SGCD: variants seen among roughly 807,000 people sequenced by gnomAD.
SGCD encodes delta-sarcoglycan.
SGCD carries 18 observed loss-of-function variants against 36.6 expected under a neutral mutation model. That is an observed-to-expected ratio of 0.49 (90% CI 0.34 to 0.73). SGCD has a LOEUF of 0.73. SGCD is among the 30% of genes least tolerant of loss of function. The pLI is 0.01. For synonymous variants in SGCD, 133 were observed against 130.6 expected (o/e 1.02, Z -0.12); for missense variants, 387 against 346.7 (o/e 1.12, Z -0.92).
rs548248243 is a variant in SGCD at position 155,881,886 on chromosome 5, G to C, written c.-282+11462G>C. Among the ~76,000 whole-genome samples, 7 of 152,274 alleles carry C rather than the reference G, an allele frequency of 4.6e-5. 1 individual carries two copies. In the South Asian group the frequency reaches 8.3e-4, roughly 18 times the overall value. On this transcript the variant is annotated intron_variant, in intron 1 of 9. Transcript: ENST00000517913. ...CTTTATTTAACCATAAGAAGCAACT[G>C]CTCATTCATTGAAGTTTTATCATGA...
the SGCD span, among the ~76,000 whole-genome samples, chr5:155,784,546 G>A: frequency 3.9e-5 from 6 of 152,070 alleles, no homozygotes; most frequent in South Asian, 1.2e-3. Flanking sequence ...ACCATTTAGA[G>A]GATGGTTGCA....
chr5:156,332,857 C>T (rs1384577798), intron 2 of SGCD, among the ~76,000 whole-genome samples: 1 of 152,186 alleles, frequency 6.6e-6, no homozygotes, highest in African/African-American at 2.4e-5. Context: ...AATGTTCCCT[C>T]TCCTGTTTGA....
chr5:156,452,596 A>G (rs190551811), intron 3 of SGCD, among the ~76,000 whole-genome samples: 3 of 152,284 alleles, frequency 2.0e-5, no homozygotes, highest in Admixed American at 1.3e-4. Flanking sequence ...AGTTTTTTAG[A>G]ATACACCTAA....
At chr5:155,969,370 G>T (rs1336200057) in intron 1 of SGCD, among the ~76,000 whole-genome samples, 1 of 152,082 alleles carries the variant, frequency 6.6e-6, no homozygotes, top group Non-Finnish European at 1.5e-5. Flanking sequence ...GTGTTTGTTT[G>T]CCTGTAAGAA....
chr5:156,721,743 C>T (rs935477333), intron 7 of SGCD, among the ~76,000 whole-genome samples: 18 of 152,098 alleles, frequency 1.2e-4, no homozygotes, highest in African/African-American at 3.9e-4. Flanking sequence ...AAGGGCTGAA[C>T]CCTAGCAGCA....
chr5:156,591,558 G>A (rs954265670), intron 5 of SGCD, among the ~76,000 whole-genome samples: 2 of 152,148 alleles, frequency 1.3e-5, no homozygotes, highest in African/African-American at 4.8e-5. Context: ...GAGAAATTAG[G>A]CTTGAAGGCC....
At chr5:156,670,228 T>G (rs1481272021) in intron 7 of SGCD, among the ~76,000 whole-genome samples, 1 of 152,218 alleles carries the variant, frequency 6.6e-6, no homozygotes, top group Non-Finnish European at 1.5e-5. Flanking sequence ...AGGACGGACA[T>G]GACATTTTAA....
chr5:155,891,799 C>T (rs1756138011), intron 1 of SGCD, among the ~76,000 whole-genome samples: 1 of 151,914 alleles, frequency 6.6e-6, no homozygotes, highest in Non-Finnish European at 1.5e-5. Flanking sequence ...AAGGCCCTAC[C>T]TGTGTTTTTC....
At chr5:155,863,155 C>G in the SGCD span, among the ~76,000 whole-genome samples, 1 of 152,148 alleles carries the variant, frequency 6.6e-6, no homozygotes, top group African/African-American at 2.4e-5. Context: ...TTATAACAAT[C>G]CTGAGCCTGA....
At position 156,766,456 on chromosome 5, in the gene SGCD, C is replaced by T. The variant is rs1054816246; in HGVS notation, c.*7066C>T. 6.6e-6 allele frequency: 1 copy of T among 151,518 alleles called. No individual in the cohort carries two copies. Among genetic ancestry groups the T allele is most frequent in the Non-Finnish European group, 1.5e-5 (1 of 67,984 alleles). The allele number at this position is 151,518 out of a possible 1,614,324, so 9.4% of individuals were successfully genotyped here. ...CATACCCTTCCCCAGGTGCAGAATT[C>T]TCCTCCCCAGAGCACTCAGGCCGTT... On this transcript the variant is annotated 3_prime_UTR_variant, in exon 9 of 9. Coordinates refer to ENST00000337851, the MANE Select transcript of SGCD (RefSeq NM_000337.6).
At chr5:156,302,244 C>A (rs922521694) in intron 3 of SGCD, among the ~76,000 whole-genome samples, 4 of 151,804 alleles carry the variant, frequency 2.6e-5, no homozygotes, top group Non-Finnish European at 5.9e-5. Flanking sequence ...TTTCAAGTAG[C>A]CTGTCTTCAG....
intron 1 of SGCD, among the ~76,000 whole-genome samples, chr5:156,072,227 G>T (rs569506685): frequency 6.6e-6 from 1 of 152,068 alleles, no homozygotes; most frequent in Non-Finnish European, 1.5e-5. Flanking sequence ...TCCTAGCCTC[G>T]ATGGTCTTTA....
At chr5:156,747,147 A>T (rs1331491952) in intron 7 of SGCD, among the ~76,000 whole-genome samples, 1 of 152,216 alleles carries the variant, frequency 6.6e-6, no homozygotes, top group Non-Finnish European at 1.5e-5. Context: ...TGAAAATCAT[A>T]ATAAAGTACT....
intron 1 of SGCD, among the ~76,000 whole-genome samples, chr5:155,881,295 AAAAT>A (rs6149303): frequency 6.2e-5 from 9 of 145,588 alleles, no homozygotes; most frequent in South Asian, 2.2e-4. Context: ...ACCTCACCAC[AAAAT>A]AAATAAATAA....
chr5:155,854,146 A>G, the SGCD span, among the ~76,000 whole-genome samples: 134,068 of 152,176 alleles, frequency 0.88, 59,143 homozygotes, highest in East Asian at 0.99. Flanking sequence ...GTAAATTAGG[A>G]TTCGTTAATC....
At chr5:155,968,646 G>A (rs957835351) in intron 1 of SGCD, among the ~76,000 whole-genome samples, 1 of 152,102 alleles carries the variant, frequency 6.6e-6, no homozygotes, top group African/African-American at 2.4e-5. Context: ...ATAGAGTTCA[G>A]TACCGTCTAT....
intron 4 of SGCD, among the ~76,000 whole-genome samples, chr5:156,542,016 A>G (rs1758367388): frequency 6.6e-6 from 1 of 152,196 alleles, no homozygotes; most frequent in African/African-American, 2.4e-5. Flanking sequence ...TACTGGTTAA[A>G]TTTAAAATCA....
the SGCD span, among the ~76,000 whole-genome samples, chr5:155,826,485 G>A: frequency 2.0e-5 from 3 of 152,108 alleles, no homozygotes; most frequent in African/African-American, 4.8e-5. Context: ...TTCCCACTGT[G>A]GCTCCATATC....
chr5:155,995,827 C>A (rs993295816), intron 1 of SGCD, among the ~76,000 whole-genome samples: 1 of 151,716 alleles, frequency 6.6e-6, no homozygotes, highest in East Asian at 1.9e-4. Flanking sequence ...AGATGGCCCC[C>A]GAGTGAGGAA....
Sources: allele counts gnomAD v4.1 joint callset (sites outside exome capture counted in the v4.1 genomes callset), GRCh38; gene constraint gnomAD v4.1.1; transcripts MANE v1.5; gene names NCBI Gene and HGNC (gene_info 2026-07-23, HGNC 2026-07-21).